The following PIK3C3 variants were observed in gnomAD, a reference collection of about 807,000 sequenced individuals.
PIK3C3 encodes phosphatidylinositol 3-kinase catalytic subunit type 3.
Under a neutral mutation model 126.1 loss-of-function variants are expected in PIK3C3, and 95 were observed. That is an observed-to-expected ratio of 0.75 (90% CI 0.64 to 0.89). PIK3C3 has a LOEUF of 0.89. PIK3C3 is among the 40% of genes least tolerant of loss of function. The pLI is 0.00. For synonymous variants in PIK3C3, 374 were observed against 360.0 expected (o/e 1.04, Z -0.44); for missense variants, 829 against 1,063.2 (o/e 0.78, Z 3.06).
intron 4 of PIK3C3, among the ~76,000 whole-genome samples, chr18:41,983,082 C>T (rs1981287573): frequency 6.6e-6 from 1 of 152,102 alleles, no homozygotes; most frequent in South Asian, 2.1e-4. Flanking sequence ...TTGCTCATAT[C>T]CTGTATTTCC....
In PIK3C3 at chr18:42,015,573, A is replaced by G. The variant is rs762181843; in HGVS notation, c.1416+7A>G. 6.2e-7 allele frequency: 1 copy of G among 1,605,334 alleles called. No homozygotes were observed. The highest frequency in any genetic ancestry group is 2.2e-5 in the East Asian group (1 of 44,802). ...AGATGGCGAAAATCTGGAAGTGAGT[A>G]CAAAGCTTTTCCAGCTTCCTATAGG... On this transcript the variant is annotated splice_region_variant and intron_variant, in intron 12 of 24. Transcript: ENST00000262039.
At chr18:41,975,422 A>T (rs1351321231) in intron 4 of PIK3C3, among the ~76,000 whole-genome samples, 2 of 152,154 alleles carry the variant, frequency 1.3e-5, no homozygotes, top group Admixed American at 1.3e-4. Context: ...TGGCTACAAG[A>T]TATCTATTGG....
chr18:42,055,489 G>A (rs1188533934), intron 21 of PIK3C3, among the ~76,000 whole-genome samples: 1 of 152,004 alleles, frequency 6.6e-6, no homozygotes, highest in African/African-American at 2.4e-5. Context: ...GCTACCTTCT[G>A]TATTTCTAGG....
At chr18:41,991,781 T>C (rs188836949) in intron 6 of PIK3C3, among the ~76,000 whole-genome samples, 16 of 152,336 alleles carry the variant, frequency 1.1e-4, no homozygotes, top group Admixed American at 5.2e-4. Context: ...AACTTGTTTC[T>C]GCCTTTTATT....
intron 4 of PIK3C3, 98 bp downstream of exon 4, chr18:41,970,554 T>C (rs1262641463): frequency 3.7e-6 from 4 of 1,069,666 alleles, no homozygotes; most frequent in Admixed American, 1.8e-5. Flanking sequence ...TTTTAAAAAA[T>C]CTAAATCTTA....
At chr18:42,074,227 T>A (rs1985889390) in intron 24 of PIK3C3, among the ~76,000 whole-genome samples, 1 of 152,216 alleles carries the variant, frequency 6.6e-6, no homozygotes, top group Non-Finnish European at 1.5e-5. Context: ...GTTTGAAATT[T>A]GATCTTACAT....
At chr18:42,078,642 A>G (rs996311032) in intron 24 of PIK3C3, among the ~76,000 whole-genome samples, 3 of 152,146 alleles carry the variant, frequency 2.0e-5, no homozygotes, top group Non-Finnish European at 2.9e-5. Context: ...TGAAAGTCCT[A>G]TGTGGCATCT....
At chr18:41,961,800 A>G (rs1420885532) in intron 2 of PIK3C3, among the ~76,000 whole-genome samples, 1 of 152,190 alleles carries the variant, frequency 6.6e-6, no homozygotes, top group East Asian at 1.9e-4. Context: ...ATTTACATAA[A>G]TATATAGAGG....
intron 4 of PIK3C3, among the ~76,000 whole-genome samples, chr18:41,978,344 C>A (rs1271806320): frequency 6.6e-6 from 1 of 152,162 alleles, no homozygotes; most frequent in Non-Finnish European, 1.5e-5. Flanking sequence ...TCACATTATA[C>A]TTTGGGATTG....
chr18:41,988,007 G>A (rs1345042734), intron 5 of PIK3C3, 109 bp downstream of exon 5: 1 of 626,050 alleles, frequency 1.6e-6, no homozygotes, highest in Admixed American at 3.3e-5. Flanking sequence ...GATTATCAGG[G>A]TTAACCCCTG....
chr18:42,007,574 T>G (rs926203928), intron 10 of PIK3C3, among the ~76,000 whole-genome samples: 5 of 152,184 alleles, frequency 3.3e-5, no homozygotes, highest in Non-Finnish European at 5.9e-5. Flanking sequence ...ATTCTTAACA[T>G]TTTGATTTAT....
chr18:41,987,761 T>G, intron 4 of PIK3C3, 51 bp from the exon 5 acceptor site: 3 of 1,262,768 alleles, frequency 2.4e-6, no homozygotes, highest in Non-Finnish European at 3.5e-6. Context: ...TTTTGGTCCT[T>G]CTTTCTACTA....
At chr18:42,040,968 G>A (rs72893445) in intron 19 of PIK3C3, among the ~76,000 whole-genome samples, 19,480 of 152,110 alleles carry the variant, frequency 0.13, 1,631 homozygotes, top group South Asian at 0.33. Context: ...CAAGGGATCA[G>A]GCATTAATTG....
chr18:41,995,747 T>TA, intron 7 of PIK3C3, 143 bp from the exon 8 acceptor site: 1 of 626,786 alleles, frequency 1.6e-6, no homozygotes, highest in Non-Finnish European at 2.9e-6. Flanking sequence ...ATTTTTAAGA[T>TA]ATGTAGAAGA....
chr18:42,067,440 T>C lies in PIK3C3; in HGVS notation c.2576T>C (p.Met859Thr), dbSNP rs376297369. 5.6e-6 allele frequency: 9 copies of C among 1,613,878 alleles called. No homozygotes were observed. Among genetic ancestry groups the C allele is most frequent in the Non-Finnish European group, 7.6e-6 (9 of 1,179,838 alleles). Residue 859 changes from methionine to threonine, a missense_variant, in exon 24 of 25, where the codon ATG (methionine) becomes ACG (threonine). Met to Thr is a moderately conservative substitution (Grantham distance 81, BLOSUM62 -1). This residue lies in a region of PIK3C3 where 196 missense variants were observed against 312.8 expected (regional missense o/e 0.63). Transcript: ENST00000262039. ...DLSDEEAVHYMQSLIDESVHA... is the reference protein window; with the variant it reads ...DLSDEEAVHYTQSLIDESVHA... ...TCGGATGAAGAGGCTGTGCATTACA[T>C]GCAGAGTCTGATTGATGAGAGTGTC...
At chr18:41,999,145 A>G (rs1219350445) in intron 9 of PIK3C3, among the ~76,000 whole-genome samples, 1 of 152,096 alleles carries the variant, frequency 6.6e-6, no homozygotes, top group East Asian at 1.9e-4. Context: ...CAGAAAGTTC[A>G]TAGTAATAAC....
At chr18:41,955,497 C>A in intron 1 of PIK3C3, 138 bp downstream of exon 1, 1 of 682,310 alleles carries the variant, frequency 1.5e-6, no homozygotes, top group Non-Finnish European at 2.5e-6. Flanking sequence ...GGGCTGTAGC[C>A]AGGGAGGCGC....
At chr18:41,995,861 C>T (rs1981999595) in intron 7 of PIK3C3, 29 bp from the exon 8 acceptor site, 3 of 1,477,170 alleles carry the variant, frequency 2.0e-6, no homozygotes, top group Non-Finnish European at 2.8e-6. Flanking sequence ...GTGAAGTTTA[C>T]ATTGTCAATA....
chr18:41,975,537 G>A (rs759607770), intron 4 of PIK3C3, among the ~76,000 whole-genome samples: 2 of 151,980 alleles, frequency 1.3e-5, no homozygotes, highest in African/African-American at 2.4e-5. Context: ...CATCTTTCTG[G>A]TAACCATATT....
Sources: allele counts gnomAD v4.1 joint callset (sites outside exome capture counted in the v4.1 genomes callset), GRCh38; gene constraint gnomAD v4.1.1; regional missense constraint gnomAD v4.1.1; transcripts MANE v1.5; gene names NCBI Gene and HGNC (gene_info 2026-07-23, HGNC 2026-07-21).